The following RGS20 variants were observed in gnomAD, a reference collection of about 807,000 sequenced individuals.
RGS20 encodes regulator of G protein signaling 20, also known as gz-selective GTPase-activating protein.
Under a neutral mutation model 33.6 loss-of-function variants are expected in RGS20, and 30 were observed. The ratio of observed to expected loss-of-function variants is 0.89; its 90% confidence interval spans 0.67 to 1.21. The LOEUF is 1.21. RGS20 is among the 50% of genes most tolerant of loss of function. The probability of loss-of-function intolerance (pLI) is 0.00; values close to 1 mark genes in which losing one functional copy is unlikely to be tolerated. For missense variants in RGS20, 472 were observed against 502.4 expected (o/e 0.94, Z 0.58); for synonymous variants, 208 against 197.9 (o/e 1.05, Z -0.43).
At chr8:53,893,974 A>G (rs1452309400) in intron 2 of RGS20, among the ~76,000 whole-genome samples, 2 of 151,528 alleles carry the variant, frequency 1.3e-5, no homozygotes, top group African/African-American at 4.8e-5. Context: ...TCTGTGTTCA[A>G]AATCATAAAG....
chr8:53,867,247 CAA>C (rs1229952926), intron 1 of RGS20, among the ~76,000 whole-genome samples: 1 of 151,908 alleles, frequency 6.6e-6, no homozygotes, highest in African/African-American at 2.4e-5. Flanking sequence ...TTATGCCACT[CAA>C]AAAAGAGAAG....
intron 1 of RGS20, among the ~76,000 whole-genome samples, chr8:53,860,839 T>C (rs1811794538): frequency 6.6e-6 from 1 of 152,102 alleles, no homozygotes; most frequent in Admixed American, 6.5e-5. Flanking sequence ...TGGTGGCACA[T>C]GCCTGTAATC....
intron 2 of RGS20, among the ~76,000 whole-genome samples, chr8:53,919,435 A>G (rs1813584268): frequency 6.7e-6 from 1 of 149,714 alleles, no homozygotes. Flanking sequence ...TCCGCCTCCC[A>G]GGTTCAAGAG....
intron 2 of RGS20, among the ~76,000 whole-genome samples, chr8:53,883,147 A>G (rs1197887232): frequency 6.8e-6 from 1 of 146,108 alleles, no homozygotes; most frequent in Non-Finnish European, 1.5e-5. Context: ...GTTAAGTGAC[A>G]TCTTTCTTTC....
chr8:53,885,389 G>A (rs1812511670), intron 2 of RGS20, among the ~76,000 whole-genome samples: 1 of 152,198 alleles, frequency 6.6e-6, no homozygotes, highest in South Asian at 2.1e-4. Context: ...CGAGGCGGGT[G>A]GATCACGAGG....
chr8:53,947,279 CATAT>C (rs995115937), intron 4 of RGS20, among the ~76,000 whole-genome samples: 26 of 138,358 alleles, frequency 1.9e-4, no homozygotes, highest in African/African-American at 7.0e-4. Flanking sequence ...TAAGATATAG[CATAT>C]ATATTTATAC....
intron 2 of RGS20, among the ~76,000 whole-genome samples, chr8:53,883,217 C>T (rs1403767053): frequency 6.6e-6 from 1 of 151,170 alleles, no homozygotes; most frequent in Non-Finnish European, 1.5e-5. Context: ...AGTGCAATGG[C>T]GCGATCTCGG....
At chr8:53,859,568 T>G (rs1811761570) in intron 1 of RGS20, among the ~76,000 whole-genome samples, 1 of 152,212 alleles carries the variant, frequency 6.6e-6, no homozygotes, top group Non-Finnish European at 1.5e-5. Flanking sequence ...TTTAGAAAAT[T>G]TACATTAAAG....
chr8:53,862,725 G>C (rs1454839834), intron 1 of RGS20, among the ~76,000 whole-genome samples: 1 of 152,180 alleles, frequency 6.6e-6, no homozygotes, highest in Admixed American at 6.5e-5. Context: ...CTTGAGCCCA[G>C]GAGTTAGAGA....
intron 2 of RGS20, among the ~76,000 whole-genome samples, chr8:53,927,519 GA>G (rs1813838387): frequency 1.3e-5 from 2 of 151,926 alleles, no homozygotes; most frequent in South Asian, 4.1e-4. Flanking sequence ...GGCTGCTTTT[GA>G]AATCCCACAC....
intron 1 of RGS20, among the ~76,000 whole-genome samples, chr8:53,859,326 T>A (rs11986029): frequency 0.043 from 6,537 of 152,206 alleles, 408 homozygotes; most frequent in African/African-American, 0.14. Flanking sequence ...TGGCAAAAAA[T>A]ATCCCATATG....
chr8:53,936,194 A>T (rs902808532), intron 2 of RGS20, among the ~76,000 whole-genome samples: 1 of 152,206 alleles, frequency 6.6e-6, no homozygotes, highest in African/African-American at 2.4e-5. Context: ...GGCACAAGAC[A>T]AGAATGCCGT....
chr8:53,907,390 G>A (rs1031860874), intron 2 of RGS20, among the ~76,000 whole-genome samples: 2 of 152,078 alleles, frequency 1.3e-5, no homozygotes, highest in Admixed American at 6.6e-5. Flanking sequence ...TTCAAGACCA[G>A]CCTGGCCAAC....
chr8:53,882,883 A>G (rs1158563531), intron 2 of RGS20, among the ~76,000 whole-genome samples: 2 of 152,092 alleles, frequency 1.3e-5, no homozygotes, highest in Non-Finnish European at 2.9e-5. Context: ...TTGGGACACA[A>G]GTGGCAGGGC....
chr8:53,874,259 T>A (rs574143474), intron 1 of RGS20, among the ~76,000 whole-genome samples: 20 of 152,180 alleles, frequency 1.3e-4, no homozygotes, highest in Admixed American at 1.2e-3. Flanking sequence ...TAACTTTGGC[T>A]TCGGTGTTGA....
chr8:53,906,333 A>C (rs905865389), intron 2 of RGS20, among the ~76,000 whole-genome samples: 1 of 151,468 alleles, frequency 6.6e-6, no homozygotes, highest in Non-Finnish European at 1.5e-5. Context: ...CCGAGACAGC[A>C]CCCCTGCACT....
At chr8:53,878,338 A>T (rs1049133205) in intron 1 of RGS20, among the ~76,000 whole-genome samples, 1 of 152,150 alleles carries the variant, frequency 6.6e-6, no homozygotes, top group Admixed American at 6.5e-5. Context: ...TGAACTCAAA[A>T]AATAAAGAGA....
At chr8:53,895,248 AG>A (rs968963426) in intron 2 of RGS20, among the ~76,000 whole-genome samples, 1 of 152,090 alleles carries the variant, frequency 6.6e-6, no homozygotes, top group African/African-American at 2.4e-5. Context: ...GGTGAAACAG[AG>A]GGGCTGGAGG....
At chr8:53,891,029 G>C (rs1412136723) in intron 2 of RGS20, among the ~76,000 whole-genome samples, 1 of 152,076 alleles carries the variant, frequency 6.6e-6, no homozygotes, top group Non-Finnish European at 1.5e-5. Context: ...TTCCCCATAT[G>C]GCCGCCACAT....
Sources: gnomAD v4.1 joint callset for allele counts (sites outside exome capture counted in the v4.1 genomes callset) on GRCh38, gnomAD v4.1.1 for gene constraint, MANE v1.5 for transcripts, NCBI Gene and HGNC (gene_info 2026-07-23, HGNC 2026-07-21) for gene names.